Variants in SV2B observed in about 807,000 individuals in gnomAD.
The protein encoded by SV2B is synaptic vesicle glycoprotein 2B, also known as solute carrier family 22 member B2.
Under a neutral mutation model 73.9 loss-of-function variants are expected in SV2B, and 41 were observed. The ratio of observed to expected loss-of-function variants is 0.56; its 90% CI spans 0.43 to 0.72. SV2B has a LOEUF of 0.72. Ranked by LOEUF, SV2B falls within the 30% of genes least tolerant of loss-of-function variation. SV2B has a pLI of 0.00. For missense variants in SV2B, 764 were observed against 857.8 expected (o/e 0.89, Z 1.37); for synonymous variants, 314 against 314.2 (o/e 1.00, Z 0.01).
chr15:91,160,527 G>A (rs924078104), intron 1 of SV2B, among the ~76,000 whole-genome samples: 7 of 152,208 alleles, frequency 4.6e-5, no homozygotes, highest in African/African-American at 1.7e-4. Context: ...AGAATCACTT[G>A]AACTCAGGAG....
At chr15:91,161,614 C>T (rs1295793837) in intron 1 of SV2B, among the ~76,000 whole-genome samples, 1 of 152,186 alleles carries the variant, frequency 6.6e-6, no homozygotes, top group Non-Finnish European at 1.5e-5. Context: ...GATGCAGATG[C>T]CATTATCATC....
At chr15:91,142,593 A>G (rs973794400) in intron 1 of SV2B, among the ~76,000 whole-genome samples, 22 of 152,228 alleles carry the variant, frequency 1.4e-4, no homozygotes, top group African/African-American at 5.3e-4. Flanking sequence ...CAGAAGGGGA[A>G]GGAAGGGAAC....
intron 1 of SV2B, among the ~76,000 whole-genome samples, chr15:91,178,204 G>A (rs1443434344): frequency 6.6e-6 from 1 of 151,698 alleles, no homozygotes; most frequent in African/African-American, 2.4e-5. Context: ...TTATTGATTT[G>A]TGTATGTTGA....
Position 91,289,561 on chromosome 15 carries a change from G to A in SV2B, c.1749G>A (p.Leu583=), listed in dbSNP as rs2048971999. The change falls in exon 12 of 13, where the codon CTG becomes CTA. Residue 583 remains leucine, a synonymous_variant. Transcript: ENST00000394232. This position sits in a 1 kb window ranked among gnomAD's most constrained non-coding sequence, Gnocchi z 4.9. The part of the protein sequence containing the change: ...MLISAVCCFF[L]FFGNSESAMI... ...TCTCTGCAGTCTGCTGCTTCTTCCT[G>A]TTTTTTGGCAACAGTGAGTCTGCAA... 1 of 1,614,194 alleles carries A rather than the reference G, an allele frequency of 6.2e-7. No homozygotes were observed. The highest frequency in any genetic ancestry group is 1.3e-5 in the African/African-American group (1 of 75,048).
chr15:91,173,276 A>G (rs2044187605), intron 1 of SV2B, among the ~76,000 whole-genome samples: 1 of 152,152 alleles, frequency 6.6e-6, no homozygotes, highest in Non-Finnish European at 1.5e-5. Flanking sequence ...AGAGGAGGGC[A>G]AGGAGAGTGC....
chr15:91,169,180 G>A (rs59677390), intron 1 of SV2B, among the ~76,000 whole-genome samples: 17,002 of 152,082 alleles, frequency 0.11, 1,187 homozygotes, highest in South Asian at 0.22. Flanking sequence ...CGGTTACTGC[G>A]TGGTTACTAC....
chr15:91,275,562 C>G (rs1207307959), intron 9 of SV2B, among the ~76,000 whole-genome samples: 1 of 152,170 alleles, frequency 6.6e-6, no homozygotes, highest in East Asian at 1.9e-4. Flanking sequence ...TAGTGGCTCA[C>G]AACTGTAATC....
intron 1 of SV2B, among the ~76,000 whole-genome samples, chr15:91,144,551 T>A (rs911013806): frequency 1.3e-5 from 2 of 152,198 alleles, no homozygotes; most frequent in African/African-American, 4.8e-5. Flanking sequence ...TCTTAATAAT[T>A]GATGTGTGCA....
At chr15:91,210,407 G>A (rs1456135826) in intron 1 of SV2B, among the ~76,000 whole-genome samples, 3 of 152,112 alleles carry the variant, frequency 2.0e-5, no homozygotes, top group East Asian at 3.9e-4. Context: ...CTAGAGGACA[G>A]GGAATTTCCA....
rs796472980 is a variant in SV2B at position 91,296,983 on chromosome 15, G to A, written c.*4431G>A. 8.5e-5 allele frequency: 12 copies of A among 141,418 alleles called. No individual in the cohort carries two copies. The highest frequency in any genetic ancestry group is 3.2e-4 in the African/African-American group (12 of 36,954). 8.8% of individuals were successfully genotyped at this position (141,418 alleles called of 1,614,324 possible). A position where few individuals can be genotyped will look rare whatever the true frequency, so the allele number is the denominator to read the frequency against. On this transcript the variant is annotated 3_prime_UTR_variant, in exon 13 of 13. Transcript: ENST00000394232. ...TGTTGGGAGCACGCTCCTTCTGCCC[G>A]ATCGTTGGGCGCACGCTCCTTCTGC...
intron 1 of SV2B, among the ~76,000 whole-genome samples, chr15:91,152,896 G>A (rs1292038761): frequency 6.6e-6 from 1 of 152,140 alleles, no homozygotes; most frequent in South Asian, 2.1e-4. Context: ...ACCTGAGACC[G>A]GGCAATTTAC....
intron 1 of SV2B, among the ~76,000 whole-genome samples, chr15:91,160,124 T>C (rs2043658726): frequency 6.6e-6 from 1 of 152,176 alleles, no homozygotes; most frequent in Admixed American, 6.5e-5. Flanking sequence ...ACATCATAAA[T>C]ATAAAAATCC....
chr15:91,230,639 G>A (rs2046540483), intron 2 of SV2B, among the ~76,000 whole-genome samples: 1 of 152,108 alleles, frequency 6.6e-6, no homozygotes. Flanking sequence ...TCCAGGAGTT[G>A]GTCTCCTTCA....
intron 2 of SV2B, among the ~76,000 whole-genome samples, chr15:91,246,693 C>T (rs191108343): frequency 6.6e-6 from 1 of 151,222 alleles, no homozygotes; most frequent in Admixed American, 6.6e-5. Flanking sequence ...TTCCACTCCA[C>T]CACATCGCTC....
intron 1 of SV2B, among the ~76,000 whole-genome samples, chr15:91,154,298 T>C (rs1381404775): frequency 6.6e-6 from 1 of 152,126 alleles, no homozygotes; most frequent in Non-Finnish European, 1.5e-5. Context: ...CATTCATCTT[T>C]TTGTAGGCCT....
At chr15:91,182,619 C>T (rs909905121) in intron 1 of SV2B, among the ~76,000 whole-genome samples, 3 of 152,290 alleles carry the variant, frequency 2.0e-5, no homozygotes, top group Non-Finnish European at 2.9e-5. Context: ...CTCTCAAACA[C>T]GTGCCACTGA....
chr15:91,131,392 G>T (rs1284071920), intron 1 of SV2B, among the ~76,000 whole-genome samples: 1 of 151,442 alleles, frequency 6.6e-6, no homozygotes, highest in Non-Finnish European at 1.5e-5. Context: ...GTATTGGGGG[G>T]GGTTGGGCAG....
chr15:91,170,667 T>C (rs1205118626), intron 1 of SV2B, among the ~76,000 whole-genome samples: 1 of 152,258 alleles, frequency 6.6e-6, no homozygotes, highest in African/African-American at 2.4e-5. Flanking sequence ...TGACTGTCCC[T>C]GCCCTGAGGT....
chr15:91,202,847 T>G (rs2045508705), intron 1 of SV2B, among the ~76,000 whole-genome samples: 1 of 152,060 alleles, frequency 6.6e-6, no homozygotes, highest in Non-Finnish European at 1.5e-5. Flanking sequence ...AGTCATTGGC[T>G]TCAGGCTGCT....
Sources: gnomAD v4.1 joint callset for allele counts (sites outside exome capture counted in the v4.1 genomes callset) on GRCh38, gnomAD v4.1.1 for gene constraint, Gnocchi (gnomAD v3.1) non-coding constraint, MANE v1.5 for transcripts, NCBI Gene and HGNC (gene_info 2026-07-23, HGNC 2026-07-21) for gene names.